Variants in NELFE observed in about 807,000 individuals in gnomAD.
NELFE encodes the protein negative elongation factor complex member E.
NELFE carries 26 observed loss-of-function variants against 55.5 expected under a neutral mutation model. The observed-to-expected ratio is 0.47, with a 90% CI of 0.34 to 0.65. The LOEUF (loss-of-function observed/expected upper bound fraction) is 0.65. Among genes scored for constraint, NELFE ranks in the 30% least tolerant of loss-of-function variants. The pLI, the probability that NELFE is intolerant of heterozygous loss-of-function variation, is 0.01. For synonymous variants in NELFE, 162 were observed against 178.0 expected, an observed-to-expected ratio of 0.91 and a Z score of 0.72; for missense variants, 403 against 506.9, an observed-to-expected ratio of 0.80 and a Z score of 1.97.
Position 31,954,035 on chromosome 6 carries a change from A to C in NELFE, c.942+45T>G. 6.3e-7 allele frequency: 1 copy of C among 1,599,616 alleles called. No individual in the cohort carries two copies. The highest frequency in any genetic ancestry group is 8.6e-7 in the Non-Finnish European group (1 of 1,168,414). ...TCTAGTATTTTGAGGAGAACACATG[A>C]GAACAGCAGAAGCGATGGGAAGAAC... is the stretch of plus-strand genomic sequence containing the variant. On this transcript the variant is annotated intron_variant, in intron 9 of 10. Coordinates refer to ENST00000375429, the MANE Select transcript of NELFE (RefSeq NM_002904.6). The surrounding 1 kb of genome is among the most constrained non-coding windows in gnomAD (Gnocchi z 5.5).
At chr6:31,956,218 C>T (rs1055895617) in intron 4 of NELFE, among the ~76,000 whole-genome samples, 4 of 152,112 alleles carry the variant, frequency 2.6e-5, no homozygotes. Flanking sequence ...TGTGAGCCAC[C>T]GCGCCCGGCC....
chr6:31,954,151 C>T lies in NELFE; in HGVS notation c.888-17G>A. 1 of 1,614,090 alleles carries T rather than the reference C, an allele frequency of 6.2e-7. No individual in the cohort carries two copies. The highest frequency in any genetic ancestry group is 8.5e-7 in the Non-Finnish European group (1 of 1,179,980). ...AAGGCACAGCTGGGATAAGAGAAAA[C>T]ACGGTCAGTGGAGAGCCAAGGGGCT... On this transcript the variant is annotated splice_polypyrimidine_tract_variant and intron_variant, in intron 8 of 10. Transcript: ENST00000375429. This position sits in a 1 kb window ranked among gnomAD's most constrained non-coding sequence, Gnocchi z 5.5.
rs375366119 is a variant in NELFE at position 31,956,747 on chromosome 6, A to G, written c.237T>C (p.Ala79=). The G allele has an allele frequency of 3.7e-6, 6 of 1,612,870 alleles. No homozygotes were observed. Among genetic ancestry groups the G allele is most frequent in the African/African-American group, 1.3e-5 (1 of 74,920 alleles). The change falls in exon 4 of 11, where the codon GCT becomes GCC. Residue 79 remains alanine (A), a synonymous_variant. Transcript: ENST00000375429. The part of the protein sequence containing the change: ...VKSGAISAIK[A]ETKNSGFKRS... ...GCTTGAAGCCTGAGTTCTTGGTCTC[A>G]GCCTTGATGGCACTGATGGCTCCTG...
chr6:31,953,246 C>T (rs1421891466), intron 10 of NELFE, among the ~76,000 whole-genome samples: 4 of 152,184 alleles, frequency 2.6e-5, no homozygotes, highest in Non-Finnish European at 5.9e-5. Context: ...AGTCCTGTTT[C>T]CTAACATAGT....
In NELFE at chr6:31,958,434, G is replaced by T. The variant is rs1412409314; in HGVS notation, c.13C>A (p.Pro5Thr). ...TCCTCTTCCTCGCTCAGTCCGGGGG[G>T]TATCACCAACATGGTGGCTCCTAGT... is the stretch of plus-strand genomic sequence containing the variant. MLVIPPGLSEEEEAL... is the reference protein window; with the variant it reads MLVITPGLSEEEEAL... The change falls in exon 2 of 11, where the codon CCC becomes ACC. Residue 5 changes from proline to threonine, a missense_variant. Coordinates refer to ENST00000375429, the MANE Select transcript of NELFE (RefSeq NM_002904.6). The T allele has an allele frequency of 6.2e-7, 1 of 1,613,018 alleles. No individual in the cohort carries two copies. Among genetic ancestry groups the T allele is most frequent in the Non-Finnish European group, 8.5e-7 (1 of 1,179,972 alleles).
chr6:31,954,758 G>A lies in NELFE; in HGVS notation c.539C>T (p.Ala180Val), dbSNP rs1166269454. 1.9e-6 allele frequency: 3 copies of A among 1,613,076 alleles called. No homozygotes were observed. Among genetic ancestry groups the A allele is most frequent in the African/African-American group, 1.3e-5 (1 of 74,900 alleles). The change falls in exon 7 of 11, where the codon GCC becomes GTC. Residue 180 changes from alanine to valine, a missense_variant. Transcript: ENST00000375429. This position sits in a 1 kb window ranked among gnomAD's most constrained non-coding sequence, Gnocchi z 5.5. ...YEERSGAHSS[A>V]SPPRSRSRDR... is the part of the protein sequence containing the mutation. The stretch of plus-strand genomic sequence containing the variant: ...CCGGCTGCGGCTTCGGGGAGGGGAG[G>A]CTGAGGAGTGGGCACCACTGCGTTC...
chr6:31,955,426 C>A, intron 4 of NELFE, 133 bp from the exon 5 acceptor site: 2 of 563,894 alleles, frequency 3.5e-6, no homozygotes, highest in Non-Finnish European at 6.0e-6. Flanking sequence ...ACATACATTT[C>A]TTATTTGACG....
Position 31,952,349 on chromosome 6 carries a change from A to G in NELFE, c.1095T>C (p.Ile365=). 6.2e-7 allele frequency: 1 copy of G among 1,614,024 alleles called. No homozygotes were observed. Among genetic ancestry groups the G allele is most frequent in the Non-Finnish European group, 8.5e-7 (1 of 1,179,974 alleles). Residue 365 remains isoleucine (I), a synonymous_variant, in exon 11 of 11, where the codon ATT becomes ATC. Transcript: ENST00000375429. ...CCTTGTAGACGTCATCACTGTAGAC[A>G]ATCTGGGTCCTCTTGTCCCGGTGGC... is the stretch of plus-strand genomic sequence containing the variant. ...KGCHRDKRTQ[I]VYSDDVYKEN... is the part of the protein sequence containing the mutation.
intron 10 of NELFE, among the ~76,000 whole-genome samples, chr6:31,953,185 G>A (rs1332755359): frequency 6.6e-6 from 1 of 152,156 alleles, no homozygotes; most frequent in East Asian, 1.9e-4. Flanking sequence ...TAGGCTCAAC[G>A]TTAGCCTAAC....
At chr6:31,958,539 C>T (rs1378050766) in intron 1 of NELFE, 85 bp from the exon 2 acceptor site, 2 of 1,102,342 alleles carry the variant, frequency 1.8e-6, no homozygotes, top group East Asian at 4.7e-5. Flanking sequence ...CCCAACCCCA[C>T]CCCTTCAGGT....
intron 4 of NELFE, among the ~76,000 whole-genome samples, chr6:31,955,623 AT>A (rs1187879033): frequency 0.012 from 1,405 of 115,514 alleles, 12 homozygotes; most frequent in Middle Eastern, 0.032. Context: ...TAATTTCTGT[AT>A]TTTTTTTTTT....
chr6:31,953,566 T>C (rs1201571092), intron 10 of NELFE, among the ~76,000 whole-genome samples, 163 bp downstream of exon 10: 3 of 152,242 alleles, frequency 2.0e-5, no homozygotes, highest in Admixed American at 6.5e-5. Context: ...CTCTCCTTTC[T>C]TTACCTCTAA....
At chr6:31,958,515 C>G (rs1424101182) in intron 1 of NELFE, 61 bp from the exon 2 acceptor site, 8 of 1,379,058 alleles carry the variant, frequency 5.8e-6, no homozygotes, top group Non-Finnish European at 8.3e-6. Flanking sequence ...GGTTCACACG[C>G]CGTCCACACT....
At position 31,954,298 on chromosome 6, in the gene NELFE, T is replaced by G. The variant is rs754492446; in HGVS notation, c.887A>C (p.Asn296Thr). 3.1e-6 allele frequency: 5 copies of G among 1,609,406 alleles called. No homozygotes were observed. Among genetic ancestry groups the G allele is most frequent in the Non-Finnish European group, 4.2e-6 (5 of 1,177,872 alleles). Residue 296 changes from asparagine (N) to threonine (T), a missense_variant and splice_region_variant, in exon 8 of 11, where the codon AAC becomes ACC. Asn to Thr is a moderately conservative substitution (Grantham distance 65). Coordinates refer to ENST00000375429, the MANE Select transcript of NELFE (RefSeq NM_002904.6). The surrounding 1 kb of genome is among the most constrained non-coding windows in gnomAD (Gnocchi z 5.5). Reference sequence around the variant, plus strand: ...CATCATGCCCTGTTGTCATCCTTACTTTCTGGGTGGGTCCATGGAGAGGTC... The same window carrying G: ...CATCATGCCCTGTTGTCATCCTTACGTTCTGGGTGGGTCCATGGAGAGGTC... ...IIDLSMDPPR[N>T]CAFVTYEKME...
chr6:31,952,542 T>C, intron 10 of NELFE, 144 bp from the exon 11 acceptor site: 1 of 589,184 alleles, frequency 1.7e-6, no homozygotes, highest in Non-Finnish European at 3.0e-6. Flanking sequence ...GGATGGCCTG[T>C]CTTCCTTAGC....
At chr6:31,952,785 C>T (rs1771848271) in intron 10 of NELFE, among the ~76,000 whole-genome samples, 1 of 152,218 alleles carries the variant, frequency 6.6e-6, no homozygotes, top group Admixed American at 6.5e-5. Context: ...CTGAGCCCTT[C>T]TTTCTGCTCA....
At chr6:31,953,223 G>T (rs933400871) in intron 10 of NELFE, among the ~76,000 whole-genome samples, 2 of 152,200 alleles carry the variant, frequency 1.3e-5, no homozygotes, top group East Asian at 3.8e-4. Context: ...GACATGTGGG[G>T]TGTGAGGTGA....
At position 31,952,174 on chromosome 6, in the gene NELFE, A is replaced by G. The variant is rs149428147; in HGVS notation, c.*127T>C. On this transcript the variant is annotated 3_prime_UTR_variant, in exon 11 of 11. Coordinates refer to ENST00000375429, the MANE Select transcript of NELFE (RefSeq NM_002904.6). Reference sequence around the variant, plus strand: ...GAGATCAAACCTGACAGCCGTTTTTAAAGGTTTAACCCCAATCCCAAGTGC... The same window carrying G: ...GAGATCAAACCTGACAGCCGTTTTTGAAGGTTTAACCCCAATCCCAAGTGC... 4.9e-4 allele frequency: 709 copies of G among 1,445,982 alleles called. 1 individual carries two copies. In the Middle Eastern group the frequency reaches 8.7e-3, roughly 18 times the overall value. The allele number at this position is 1,445,982 out of a possible 1,614,324, so 89.6% of individuals were successfully genotyped here.
chr6:31,955,443 T>TA, intron 4 of NELFE, 150 bp from the exon 5 acceptor site: 1 of 561,870 alleles, frequency 1.8e-6, no homozygotes, highest in Non-Finnish European at 3.0e-6. Context: ...GACGTGGTTT[T>TA]ACTTATTTTT....
Sources: gnomAD v4.1 joint callset for allele counts (sites outside exome capture counted in the v4.1 genomes callset) on GRCh38, gnomAD v4.1.1 for gene constraint, Gnocchi (gnomAD v3.1) non-coding constraint, MANE v1.5 for transcripts, NCBI Gene and HGNC (gene_info 2026-07-23, HGNC 2026-07-21) for gene names.